MATN2: variants seen among roughly 807,000 people sequenced by gnomAD.
The protein encoded by MATN2 is matrilin-2.
In MATN2, 69 loss-of-function variants were observed where a neutral mutation model predicts 103.2. The observed-to-expected ratio is 0.67, with a 90% CI of 0.55 to 0.82. MATN2 has a LOEUF of 0.82. Among genes scored for constraint, MATN2 ranks in the 40% least tolerant of loss-of-function variants. The probability of loss-of-function intolerance (pLI) is 0.00; values close to 1 mark genes in which losing one functional copy is unlikely to be tolerated. For missense variants in MATN2, 1,023 were observed against 1,211.5 expected (o/e 0.84, Z 2.31); for synonymous variants, 429 against 450.2 (o/e 0.95, Z 0.60).
At chr8:97,872,994 C>T (rs183333116) in intron 1 of MATN2, among the ~76,000 whole-genome samples, 3 of 152,248 alleles carry the variant, frequency 2.0e-5, no homozygotes, top group East Asian at 1.9e-4. Context: ...GGGGTTTCAC[C>T]GTGTTGGCCA....
At chr8:98,015,326 C>G (rs1813320645) in intron 10 of MATN2, among the ~76,000 whole-genome samples, 1 of 152,174 alleles carries the variant, frequency 6.6e-6, no homozygotes, top group Non-Finnish European at 1.5e-5. Context: ...AAACCCATAT[C>G]ATGCCACTCC....
chr8:98,018,117 G>A lies in MATN2; in HGVS notation c.1819+1G>A. 1.9e-6 allele frequency: 3 copies of A among 1,613,680 alleles called. No individual in the cohort carries two copies. Among genetic ancestry groups the A allele is most frequent in the Non-Finnish European group, 2.5e-6 (3 of 1,179,670 alleles). On this transcript the variant is annotated splice_donor_variant, in intron 12 of 18. Transcript: ENST00000254898. LOFTEE classifies it high-confidence loss of function. ...GCTGAGGATGGGAAACGCTGCCGAAGTAAGTAGCCTCGAGGTGGAGAAGAA... is the reference window on the plus strand; with the variant it reads ...GCTGAGGATGGGAAACGCTGCCGAAATAAGTAGCCTCGAGGTGGAGAAGAA...
intron 4 of MATN2, among the ~76,000 whole-genome samples, chr8:97,951,371 T>C (rs1810946846): frequency 6.6e-6 from 1 of 152,216 alleles, no homozygotes; most frequent in South Asian, 2.1e-4. Flanking sequence ...AACATGAGCT[T>C]GAACCTTGCA....
At chr8:98,016,781 T>C in intron 11 of MATN2, 119 bp downstream of exon 11, 5 of 1,212,678 alleles carry the variant, frequency 4.1e-6, no homozygotes, top group Non-Finnish European at 5.9e-6. Context: ...CAAAATGTAA[T>C]GTAGTGTCCT....
chr8:98,023,799 A>G (rs1369449980), intron 13 of MATN2, among the ~76,000 whole-genome samples: 1 of 152,242 alleles, frequency 6.6e-6, no homozygotes, highest in Non-Finnish European at 1.5e-5. Flanking sequence ...CAAAATGCCC[A>G]TCAATGATAG....
At chr8:97,890,263 G>A (rs1355839603) in intron 2 of MATN2, among the ~76,000 whole-genome samples, 4 of 152,210 alleles carry the variant, frequency 2.6e-5, no homozygotes, top group Middle Eastern at 3.4e-3. Flanking sequence ...TCAGGAGTTC[G>A]AGACCAGCCT....
intron 10 of MATN2, among the ~76,000 whole-genome samples, chr8:98,010,422 A>C (rs984714278): frequency 1.3e-5 from 2 of 152,148 alleles, no homozygotes; most frequent in African/African-American, 2.4e-5. Flanking sequence ...CTTCTACCCT[A>C]GGCAAGGGAA....
rs536202144 is a variant in MATN2 at position 98,034,725 on chromosome 8, G to A, written c.2816-932G>A. Among the ~76,000 whole-genome samples the A allele has an allele frequency of 2.3e-4, 35 of 152,164 alleles. 1 individual carries two copies. The highest frequency in any genetic ancestry group is 1.8e-3 in the Admixed American group (28 of 15,284). On this transcript the variant is annotated intron_variant, in intron 18 of 18. Transcript: ENST00000254898. The stretch of plus-strand genomic sequence containing the variant: ...ACATAGGTCAGAATTCCTCAAAACC[G>A]TGGCCTTATGTAGCATCATGGTGAA...
chr8:97,966,733 TC>T (rs1811494607), intron 5 of MATN2, among the ~76,000 whole-genome samples: 1 of 152,236 alleles, frequency 6.6e-6, no homozygotes, highest in African/African-American at 2.4e-5. Flanking sequence ...ATAGTTTATT[TC>T]TTAACTTCCA....
intron 18 of MATN2, among the ~76,000 whole-genome samples, chr8:98,035,250 G>A (rs1399045473): frequency 5.3e-5 from 8 of 152,026 alleles, no homozygotes; most frequent in Admixed American, 3.3e-4. Context: ...CCAGCTACTC[G>A]GGAGGCTGAG....
At chr8:97,996,166 A>G (rs762395020) in intron 7 of MATN2, among the ~76,000 whole-genome samples, 11 of 152,150 alleles carry the variant, frequency 7.2e-5, no homozygotes, top group Non-Finnish European at 1.3e-4. Context: ...AATGGAGGGG[A>G]AAAAGGAAAC....
At chr8:97,987,615 T>C (rs990958435) in intron 6 of MATN2, among the ~76,000 whole-genome samples, 6 of 152,204 alleles carry the variant, frequency 3.9e-5, no homozygotes, top group African/African-American at 1.4e-4. Flanking sequence ...ATTGGTGTTA[T>C]TATTTGATTA....
chr8:97,984,432 A>C (rs1187436414), intron 6 of MATN2, among the ~76,000 whole-genome samples: 1 of 152,248 alleles, frequency 6.6e-6, no homozygotes, highest in Non-Finnish European at 1.5e-5. Context: ...AGTAGTGACC[A>C]TCTAAATTTT....
Position 98,007,186 on chromosome 8 carries a change from CAGA to C in MATN2, c.1412_1414del (p.Glu471del). The C allele has an allele frequency of 6.2e-7, 1 of 1,613,936 alleles. No individual in the cohort carries two copies. Among genetic ancestry groups the C allele is most frequent in the Non-Finnish European group, 8.5e-7 (1 of 1,179,886 alleles). ...GAGGATTCCTTCGTCTGCCAGTGCT[CAGA>C]AGGCTTCCTCATCAACGAGGACCTC... On this transcript the variant is annotated inframe_deletion, in exon 9 of 19. Coordinates refer to ENST00000254898, the MANE Select transcript of MATN2 (RefSeq NM_002380.5). This position sits in a 1 kb window ranked among gnomAD's most constrained non-coding sequence, Gnocchi z 4.2.
chr8:97,974,806 G>T (rs1402672622), intron 5 of MATN2, among the ~76,000 whole-genome samples: 1 of 152,182 alleles, frequency 6.6e-6, no homozygotes, highest in Non-Finnish European at 1.5e-5. Context: ...ACACATACAG[G>T]TTTGGAAACA....
In MATN2 at chr8:97,963,337, TG is replaced by T. The variant is rs368492392; in HGVS notation, c.958+1810del. On this transcript the variant is annotated intron_variant, in intron 5 of 18. Coordinates refer to ENST00000254898, the MANE Select transcript of MATN2 (RefSeq NM_002380.5). ...GCTTCAGGAAACAGGATGAGGGTAA[TG>T]GGTTGATTAGGACAAGGGGAGGGAC... Among the ~76,000 whole-genome samples, 545 of 152,010 alleles carry T rather than the reference TG, an allele frequency of 3.6e-3. 3 individuals carry two copies. Among genetic ancestry groups the T allele is most frequent in the African/African-American group, 0.011 (448 of 41,482 alleles).
intron 2 of MATN2, among the ~76,000 whole-genome samples, chr8:97,895,090 C>G (rs929973165): frequency 6.6e-6 from 1 of 152,116 alleles, no homozygotes; most frequent in South Asian, 2.1e-4. Context: ...CCAGGTTGGT[C>G]TCAAATTCCT....
rs529296482 is a variant in MATN2, at chr8:98,013,286, A to C, written c.1574-3254A>C. On this transcript the variant is annotated intron_variant, in intron 10 of 18. Coordinates refer to ENST00000254898, the MANE Select transcript of MATN2 (RefSeq NM_002380.5). ...CCCAGAACATCCCTGAAGGGCAGAA[A>C]CTGGACATTTTGCTGAACAAATGTG... Among the ~76,000 whole-genome samples, 5 of 152,280 alleles carry C rather than the reference A, an allele frequency of 3.3e-5. No homozygotes were observed. The East Asian group carries it at 9.6e-4, about 29-fold the overall frequency.
At chr8:97,936,791 A>C (rs927561310) in intron 3 of MATN2, among the ~76,000 whole-genome samples, 1 of 152,210 alleles carries the variant, frequency 6.6e-6, no homozygotes, top group Admixed American at 6.5e-5. Context: ...CTCACCGCAA[A>C]GGCCCATCCC....
Sources: allele counts gnomAD v4.1 joint callset (sites outside exome capture counted in the v4.1 genomes callset), GRCh38; gene constraint gnomAD v4.1.1; non-coding constraint Gnocchi (gnomAD v3.1); transcripts MANE v1.5; gene names NCBI Gene and HGNC (gene_info 2026-07-23, HGNC 2026-07-21).